THRB: variants seen among roughly 807,000 people sequenced by gnomAD.
THRB encodes the protein thyroid hormone receptor beta, also known as nuclear receptor subfamily 1 group A member 2.
THRB carries 12 observed loss-of-function variants against 47.8 expected under a neutral mutation model. That is an observed-to-expected ratio of 0.25 (90% CI 0.16 to 0.41). The LOEUF (loss-of-function observed/expected upper bound fraction) is 0.41. THRB is among the 10% of genes least tolerant of loss of function. THRB has a pLI of 1.00. For missense variants in THRB, 348 were observed against 589.2 expected (o/e 0.59, Z 4.24); for synonymous variants, 218 against 212.2 (o/e 1.03, Z -0.24).
At chr3:24,422,838 C>T (rs1179879871) in intron 1 of THRB, among the ~76,000 whole-genome samples, 2 of 151,858 alleles carry the variant, frequency 1.3e-5, no homozygotes, top group Admixed American at 6.6e-5. Context: ...GCACATGCCA[C>T]CCCCTCTTGA....
intron 2 of THRB, among the ~76,000 whole-genome samples, chr3:24,321,816 CTATAAG>C (rs1402637560): frequency 3.3e-5 from 5 of 151,930 alleles, no homozygotes; most frequent in Non-Finnish European, 5.9e-5. Context: ...ATGAGATGTG[CTATAAG>C]TATAAGATAC....
intron 10 of THRB, among the ~76,000 whole-genome samples, chr3:24,125,217 C>G (rs2032513722): frequency 6.6e-6 from 1 of 152,132 alleles, no homozygotes; most frequent in South Asian, 2.1e-4. Context: ...ATGGCAAAAG[C>G]CTTTGTTACT....
At chr3:24,196,453 G>A (rs765604929) in intron 4 of THRB, among the ~76,000 whole-genome samples, 1 of 152,158 alleles carries the variant, frequency 6.6e-6, no homozygotes, top group African/African-American at 2.4e-5. Context: ...TATATAAAAA[G>A]GTCTTAGAAC....
intron 4 of THRB, among the ~76,000 whole-genome samples, chr3:24,192,155 A>G (rs1477173821): frequency 6.6e-6 from 1 of 152,224 alleles, no homozygotes; most frequent in East Asian, 1.9e-4. Flanking sequence ...ACTTATTCTC[A>G]GTAGCCATTA....
chr3:24,266,803 A>C (rs2052705251), intron 3 of THRB, among the ~76,000 whole-genome samples: 1 of 152,172 alleles, frequency 6.6e-6, no homozygotes, highest in Non-Finnish European at 1.5e-5. Context: ...GTAGAGTGAA[A>C]AAATCTGGAC....
intron 8 of THRB, among the ~76,000 whole-genome samples, chr3:24,138,606 A>G (rs543639400): frequency 5.9e-5 from 9 of 152,320 alleles, no homozygotes; most frequent in South Asian, 2.1e-4. Context: ...TCTGGTTCCA[A>G]TCTCCATTCA....
intron 5 of THRB, chr3:24,165,267 A>C (rs1057164896): frequency 1.3e-6 from 1 of 765,094 alleles, no homozygotes; most frequent in Non-Finnish European, 2.4e-6. Flanking sequence ...CTATCTTCAA[A>C]ATACGCGTAA....
At chr3:24,186,406 GC>G (rs1436437829) in intron 5 of THRB, among the ~76,000 whole-genome samples, 1 of 139,990 alleles carries the variant, frequency 7.1e-6, no homozygotes, top group Non-Finnish European at 1.6e-5. Context: ...TGATTAAAGT[GC>G]CAAGGAAGTG....
chr3:24,190,353 C>T lies in THRB; in HGVS notation c.23-19G>A, dbSNP rs202241598. 2.1e-4 allele frequency: 340 copies of T among 1,613,778 alleles called. No homozygotes were observed. The highest frequency in any genetic ancestry group is 1.2e-4 in the Non-Finnish European group (145 of 1,179,872). ...CCATTTTCTAAAGGGTTGAAAAACACGAGATGACGAGCTGTTGGCATTGTC... is the reference window on the plus strand; with the variant it reads ...CCATTTTCTAAAGGGTTGAAAAACATGAGATGACGAGCTGTTGGCATTGTC... On this transcript the variant is annotated intron_variant, in intron 4 of 10. Transcript: ENST00000646209.
chr3:24,325,434 C>T (rs1224614073), intron 2 of THRB, among the ~76,000 whole-genome samples: 3 of 152,212 alleles, frequency 2.0e-5, no homozygotes, highest in Non-Finnish European at 4.4e-5. Context: ...TGCCTGTAGT[C>T]CCAGCACTTT....
intron 1 of THRB, among the ~76,000 whole-genome samples, chr3:24,363,386 G>T (rs2064211559): frequency 6.6e-6 from 1 of 152,060 alleles, no homozygotes; most frequent in Non-Finnish European, 1.5e-5. Context: ...AAATCAGATA[G>T]AATTCAACTC....
intron 8 of THRB, among the ~76,000 whole-genome samples, chr3:24,135,847 A>ATATATATAAATT (rs371175625): frequency 0.018 from 2,413 of 130,870 alleles, 32 homozygotes; most frequent in Non-Finnish European, 0.027. Flanking sequence ...ATATATATAT[A>ATATATATAAATT]ATACATAAAT....
intron 4 of THRB, among the ~76,000 whole-genome samples, chr3:24,215,953 T>C (rs1381290171): frequency 6.6e-6 from 1 of 151,770 alleles, no homozygotes; most frequent in East Asian, 1.9e-4. Context: ...CAAGAACATG[T>C]GGTACTAGAC....
rs144589049 is a variant in THRB, at chr3:24,270,364, A to C, written c.-43+26862T>G. 7.2e-5 allele frequency among the ~76,000 whole-genome samples: 11 copies of C among 152,328 alleles called. No individual in the cohort carries two copies. In the East Asian group the frequency reaches 2.1e-3, roughly 29 times the overall value. ...CCATGAATTGCTCACTCCCTGACTCACTTTAAAAATGAAAAACATGTGTCA... is the reference window on the plus strand; with the variant it reads ...CCATGAATTGCTCACTCCCTGACTCCCTTTAAAAATGAAAAACATGTGTCA... On this transcript the variant is annotated intron_variant, in intron 3 of 10. Coordinates refer to ENST00000646209, the MANE Select transcript of THRB (RefSeq NM_001354712.2).
chr3:24,166,230 G>T (rs1345707200), intron 5 of THRB, among the ~76,000 whole-genome samples: 1 of 152,142 alleles, frequency 6.6e-6, no homozygotes, highest in Non-Finnish European at 1.5e-5. Context: ...GTTCAATTCT[G>T]TAATTTATGT....
In THRB at chr3:24,119,842, C is replaced by T. The variant is rs913516135; in HGVS notation, c.*3042G>A. ...GGAAATACTGCACGTCTAAATTGAGCAAAGTACACTTGAGGGTCACACACG... is the reference window on the plus strand; with the variant it reads ...GGAAATACTGCACGTCTAAATTGAGTAAAGTACACTTGAGGGTCACACACG... On this transcript the variant is annotated 3_prime_UTR_variant, in exon 11 of 11. Coordinates refer to ENST00000646209, the MANE Select transcript of THRB (RefSeq NM_001354712.2). 4.6e-5 allele frequency: 7 copies of T among 152,252 alleles called. No homozygotes were observed. Among genetic ancestry groups the T allele is most frequent in the Non-Finnish European group, 1.0e-4 (7 of 68,032 alleles). The allele number at this position is 152,252 out of a possible 1,614,324, so 9.4% of individuals were successfully genotyped here. A position where few individuals can be genotyped will look rare whatever the true frequency, so the allele number is the denominator to read the frequency against.
At chr3:24,199,425 C>T (rs779977690) in intron 4 of THRB, among the ~76,000 whole-genome samples, 4 of 152,118 alleles carry the variant, frequency 2.6e-5, no homozygotes, top group Non-Finnish European at 5.9e-5. Context: ...CTTTTCTGTC[C>T]CCGTGTGCAA....
chr3:24,407,439 C>G (rs551984553), intron 1 of THRB, among the ~76,000 whole-genome samples: 1 of 151,844 alleles, frequency 6.6e-6, no homozygotes, highest in South Asian at 2.1e-4. Context: ...AATACCAGAC[C>G]TACCAGCTGA....
In THRB at chr3:24,129,755, C is replaced by T. The variant is rs562585252; in HGVS notation, c.886-1998G>A. ...GGGATACTCCCACAGGTTCTTCCTG[C>T]TTCCTTAGGAGAGCATCACTCAGGT... is the stretch of plus-strand genomic sequence containing the variant. On this transcript the variant is annotated intron_variant, in intron 9 of 10. Transcript: ENST00000646209. 2.2e-5 allele frequency among the ~76,000 whole-genome samples: 3 copies of T among 136,002 alleles called. No individual in the cohort carries two copies. In the Admixed American group the frequency reaches 2.4e-4, roughly 11 times the overall value. The allele number at this position is 136,002 out of a possible 152,430, so 89.2% of individuals were successfully genotyped here.
Sources: gnomAD v4.1 joint callset for allele counts (sites outside exome capture counted in the v4.1 genomes callset) on GRCh38, gnomAD v4.1.1 for gene constraint, MANE v1.5 for transcripts, NCBI Gene and HGNC (gene_info 2026-07-23, HGNC 2026-07-21) for gene names.